SGCD: variants seen among roughly 807,000 people sequenced by gnomAD.
SGCD encodes the protein delta-sarcoglycan.
SGCD carries 18 observed loss-of-function variants against 36.6 expected under a neutral mutation model. The ratio of observed to expected loss-of-function variants is 0.49; its 90% CI spans 0.34 to 0.73. The LOEUF is 0.73. SGCD is among the 30% of genes least tolerant of loss of function. SGCD has a pLI of 0.01. For missense variants in SGCD, 387 were observed against 346.7 expected (o/e 1.12, Z -0.92); for synonymous variants, 133 against 130.6 (o/e 1.02, Z -0.12).
intron 3 of SGCD, among the ~76,000 whole-genome samples, chr5:156,205,903 T>C (rs551521734): frequency 1.3e-5 from 2 of 151,568 alleles, no homozygotes; most frequent in South Asian, 2.1e-4. Context: ...CCTAGACCTC[T>C]GTTTGGTCAT....
intron 3 of SGCD, chr5:156,393,893 T>G: frequency 2.2e-6 from 1 of 449,312 alleles, no homozygotes; most frequent in Middle Eastern, 4.1e-4. Context: ...GGTATGCCAC[T>G]TAACAAATGT....
At chr5:156,072,706 G>T (rs1290422166) in intron 1 of SGCD, among the ~76,000 whole-genome samples, 4 of 152,188 alleles carry the variant, frequency 2.6e-5, no homozygotes, top group African/African-American at 9.7e-5. Context: ...AGTTCTCCTG[G>T]ATAATGTCCT....
intron 3 of SGCD, among the ~76,000 whole-genome samples, chr5:156,237,474 A>G (rs1765194766): frequency 6.6e-6 from 1 of 152,050 alleles, no homozygotes; most frequent in Non-Finnish European, 1.5e-5. Context: ...AAAATGAAAA[A>G]ATTAGCTGGC....
At chr5:156,397,959 A>T (rs1771950763) in intron 3 of SGCD, among the ~76,000 whole-genome samples, 5 of 152,174 alleles carry the variant, frequency 3.3e-5, no homozygotes, top group African/African-American at 1.2e-4. Context: ...GGATTTATTA[A>T]CATAGGGCCC....
chr5:156,477,900 A>G (rs966932263), intron 3 of SGCD, among the ~76,000 whole-genome samples: 4 of 152,136 alleles, frequency 2.6e-5, no homozygotes, highest in African/African-American at 4.8e-5. Context: ...TTAACAGTAG[A>G]GAAAAAATAA....
At chr5:156,679,382 GGTA>G (rs988349697) in intron 7 of SGCD, among the ~76,000 whole-genome samples, 4 of 152,162 alleles carry the variant, frequency 2.6e-5, no homozygotes, top group African/African-American at 9.7e-5. Flanking sequence ...TGGTGATTTT[GGTA>G]GAACAAGACA....
intron 3 of SGCD, among the ~76,000 whole-genome samples, chr5:156,421,600 T>C (rs1216617923): frequency 6.6e-6 from 1 of 151,928 alleles, no homozygotes; most frequent in Non-Finnish European, 1.5e-5. Flanking sequence ...AAGGGCATTA[T>C]TTCAGAGGGG....
rs546453006 is a variant in SGCD at position 156,373,621 on chromosome 5, A to G, written c.192+28944A>G. Among the ~76,000 whole-genome samples the G allele has an allele frequency of 1.2e-4, 19 of 152,366 alleles. No individual in the cohort carries two copies. The South Asian group carries it at 3.7e-3, about 30-fold the overall frequency. ...GTGAGCCAAACTGCCTTACATTTCCAGAAATCTCCATGACTCTGACTTTAA... is the reference window on the plus strand; with the variant it reads ...GTGAGCCAAACTGCCTTACATTTCCGGAAATCTCCATGACTCTGACTTTAA... On this transcript the variant is annotated intron_variant, in intron 3 of 8. Transcript: ENST00000337851.
chr5:156,111,130 G>A (rs1193008816), intron 1 of SGCD, among the ~76,000 whole-genome samples: 1 of 152,190 alleles, frequency 6.6e-6, no homozygotes, highest in Non-Finnish European at 1.5e-5. Context: ...GGTGCTCAGA[G>A]AAAGTCGCAA....
At chr5:155,926,719 A>G (rs1439703258) in intron 1 of SGCD, among the ~76,000 whole-genome samples, 1 of 152,232 alleles carries the variant, frequency 6.6e-6, no homozygotes, top group Non-Finnish European at 1.5e-5. Context: ...GTTAAAATAA[A>G]TTGAGGTATA....
the SGCD span, among the ~76,000 whole-genome samples, chr5:155,784,595 A>C: frequency 6.8e-6 from 1 of 147,402 alleles, no homozygotes; most frequent in African/African-American, 2.5e-5. Context: ...TAGTGTTTCC[A>C]TGGGGCTGTG....
intron 3 of SGCD, among the ~76,000 whole-genome samples, chr5:156,294,512 G>T (rs987337512): frequency 6.6e-6 from 1 of 152,094 alleles, no homozygotes; most frequent in African/African-American, 2.4e-5. Context: ...GTGACTTCCA[G>T]TTCCACGTGA....
At chr5:155,990,603 A>G (rs575752924) in intron 1 of SGCD, among the ~76,000 whole-genome samples, 3 of 152,310 alleles carry the variant, frequency 2.0e-5, no homozygotes, top group African/African-American at 7.2e-5. Flanking sequence ...TTCTAGTCAT[A>G]TAAAATATTT....
At chr5:155,764,557 G>C in the SGCD span, among the ~76,000 whole-genome samples, 2 of 152,254 alleles carry the variant, frequency 1.3e-5, no homozygotes, top group East Asian at 3.9e-4. Flanking sequence ...CAGATCAAAA[G>C]AAATCACAGA....
intron 3 of SGCD, among the ~76,000 whole-genome samples, chr5:156,371,870 A>C (rs983268719): frequency 1.4e-4 from 22 of 152,340 alleles, no homozygotes; most frequent in African/African-American, 5.0e-4. Context: ...AGAAGACACA[A>C]GACATGTTGA....
chr5:155,831,252 G>A, the SGCD span, among the ~76,000 whole-genome samples: 1,491 of 152,176 alleles, frequency 9.8e-3, 29 homozygotes, highest in African/African-American at 0.034. Flanking sequence ...CTGCTCTTGC[G>A]GTTTTGATTT....
At chr5:155,896,168 C>T (rs1247158505) in intron 1 of SGCD, among the ~76,000 whole-genome samples, 3 of 152,092 alleles carry the variant, frequency 2.0e-5, no homozygotes, top group Non-Finnish European at 2.9e-5. Context: ...TTGGGTAAGT[C>T]GATTGATTCT....
At chr5:156,467,723 C>G (rs1754776271) in intron 3 of SGCD, among the ~76,000 whole-genome samples, 1 of 152,258 alleles carries the variant, frequency 6.6e-6, no homozygotes, top group Non-Finnish European at 1.5e-5. Context: ...GCAGGCAAAT[C>G]TTCCCACAGA....
chr5:155,975,174 T>C (rs1004699303), intron 1 of SGCD, among the ~76,000 whole-genome samples: 1 of 152,190 alleles, frequency 6.6e-6, no homozygotes, highest in Non-Finnish European at 1.5e-5. Context: ...CCCTCATCAA[T>C]ATCAGTGTCA....
Sources: gnomAD v4.1 joint callset for allele counts (sites outside exome capture counted in the v4.1 genomes callset) on GRCh38, gnomAD v4.1.1 for gene constraint, MANE v1.5 for transcripts, NCBI Gene and HGNC (gene_info 2026-07-23, HGNC 2026-07-21) for gene names.